SLC44A5: variants seen among roughly 807,000 people sequenced by gnomAD.
SLC44A5 encodes the protein solute carrier family 44 member 5.
SLC44A5 carries 57 observed loss-of-function variants against 101.8 expected under a neutral mutation model. The observed-to-expected ratio is 0.56, with a 90% confidence interval of 0.45 to 0.70. The LOEUF is 0.70. Among genes scored for constraint, SLC44A5 ranks in the 30% least tolerant of loss-of-function variants. The probability of loss-of-function intolerance (pLI) is 0.00; values close to 1 mark genes in which losing one functional copy is unlikely to be tolerated. For missense variants in SLC44A5, 737 were observed against 853.1 expected, an observed-to-expected ratio of 0.86 and a Z score of 1.70; for synonymous variants, 281 against 290.9, an observed-to-expected ratio of 0.97 and a Z score of 0.35.
chr1:75,353,686 T>C (rs2101081846), intron 3 of SLC44A5, among the ~76,000 whole-genome samples: 1 of 152,362 alleles, frequency 6.6e-6, no homozygotes, highest in East Asian at 1.9e-4. Context: ...ATCATAAAAC[T>C]GACTTAAGAA....
chr1:75,475,846 TC>T (rs1667359943), intron 2 of SLC44A5, among the ~76,000 whole-genome samples: 1 of 152,194 alleles, frequency 6.6e-6, no homozygotes, highest in African/African-American at 2.4e-5. Context: ...TTATTTAACC[TC>T]CCTGGGCCAA....
intron 6 of SLC44A5, 85 bp from the exon 7 acceptor site, chr1:75,251,379 C>T: frequency 8.8e-7 from 1 of 1,132,918 alleles, no homozygotes; most frequent in Non-Finnish European, 1.3e-6. Context: ...TTATAAATAA[C>T]CTTTAAAAAT....
intron 5 of SLC44A5, among the ~76,000 whole-genome samples, chr1:75,287,119 G>A (rs772692571): frequency 6.6e-6 from 1 of 151,836 alleles, no homozygotes; most frequent in Non-Finnish European, 1.5e-5. Flanking sequence ...CAAACTTTTT[G>A]GAGGCTTTGT....
the SLC44A5 span, among the ~76,000 whole-genome samples, chr1:75,679,021 G>C: frequency 6.6e-6 from 1 of 152,162 alleles, no homozygotes; most frequent in Non-Finnish European, 1.5e-5. Context: ...AGCGATGGAA[G>C]ATGAAATGAA....
intron 3 of SLC44A5, among the ~76,000 whole-genome samples, chr1:75,373,837 A>C (rs577112514): frequency 3.4e-4 from 52 of 152,214 alleles, no homozygotes; most frequent in African/African-American, 1.2e-3. Flanking sequence ...TTCAGAGGAC[A>C]AAACTACTGG....
intron 5 of SLC44A5, among the ~76,000 whole-genome samples, chr1:75,295,287 C>A (rs1204644282): frequency 6.6e-6 from 1 of 152,160 alleles, no homozygotes; most frequent in African/African-American, 2.4e-5. Context: ...AAAAAGTCAT[C>A]TTGGAATTAT....
At chr1:75,232,342 A>G (rs1404127280) in intron 12 of SLC44A5, among the ~76,000 whole-genome samples, 2 of 152,144 alleles carry the variant, frequency 1.3e-5, no homozygotes, top group Non-Finnish European at 2.9e-5. Flanking sequence ...CTTCCTGATG[A>G]CAATGCAAGA....
chr1:75,499,508 G>A (rs1207448755), intron 2 of SLC44A5, among the ~76,000 whole-genome samples: 8 of 152,186 alleles, frequency 5.3e-5, no homozygotes, highest in Non-Finnish European at 1.5e-5. Context: ...TTCGGGGGTT[G>A]GGGAACCCTG....
the SLC44A5 span, among the ~76,000 whole-genome samples, chr1:75,646,593 T>C: frequency 6.6e-6 from 1 of 152,096 alleles, no homozygotes; most frequent in African/African-American, 2.4e-5. Context: ...AGGGACATCA[T>C]GGGAGGTAAT....
In SLC44A5 at chr1:75,326,983, A is replaced by T. The variant is rs1290018672; in HGVS notation, c.101+12599T>A. On this transcript the variant is annotated intron_variant, in intron 4 of 23. Coordinates refer to ENST00000370859, the MANE Select transcript of SLC44A5 (RefSeq NM_001130058.2). ...GAGCATTTTCAGGAAGAAAACATTA[A>T]GAAATAAGGTACATGTAAATCAACT... Among the ~76,000 whole-genome samples, 4 of 152,164 alleles carry T rather than the reference A, an allele frequency of 2.6e-5. No homozygotes were observed. In the East Asian group the frequency reaches 7.7e-4, roughly 29 times the overall value.
intron 3 of SLC44A5, among the ~76,000 whole-genome samples, chr1:75,376,427 A>G (rs1337982013): frequency 6.6e-6 from 1 of 152,164 alleles, no homozygotes; most frequent in South Asian, 2.1e-4. Flanking sequence ...CTGCAGACTT[A>G]AATGTCCCTG....
At chr1:75,492,686 G>A (rs989551623) in intron 2 of SLC44A5, among the ~76,000 whole-genome samples, 1 of 152,142 alleles carries the variant, frequency 6.6e-6, no homozygotes, top group Non-Finnish European at 1.5e-5. Flanking sequence ...AAGATATATT[G>A]CTAGAACAAG....
chr1:75,421,751 G>A (rs1664021489), intron 2 of SLC44A5, among the ~76,000 whole-genome samples: 1 of 151,844 alleles, frequency 6.6e-6, no homozygotes, highest in South Asian at 2.1e-4. Flanking sequence ...AGAGGAAGGA[G>A]AAACATGTAG....
chr1:75,385,825 A>C (rs11485278), intron 3 of SLC44A5, among the ~76,000 whole-genome samples: 37,526 of 151,108 alleles, frequency 0.25, 4,908 homozygotes, highest in African/African-American at 0.33. Context: ...TACTGGCAAA[A>C]CGAATCCAGC....
At position 75,527,050 on chromosome 1, in the gene SLC44A5, G is replaced by A. The variant is rs543546908; in HGVS notation, c.13+14385C>T. The stretch of plus-strand genomic sequence containing the variant: ...CTCAGGAAGCTGAGGCAGGAGAATC[G>A]CTTGAAGCTGGGAGGCAGAGGCTGC... On this transcript the variant is annotated intron_variant, in intron 2 of 23. Transcript: ENST00000370859. Among the ~76,000 whole-genome samples the A allele has an allele frequency of 4.2e-4, 64 of 151,416 alleles. 1 individual carries two copies. The highest frequency in any genetic ancestry group is 1.5e-3 in the African/African-American group (63 of 41,236).
chr1:75,424,462 C>T (rs1028030149), intron 2 of SLC44A5, among the ~76,000 whole-genome samples: 3 of 152,144 alleles, frequency 2.0e-5, no homozygotes, highest in Admixed American at 6.5e-5. Flanking sequence ...CGTGCCACTG[C>T]GCCTGGCTAA....
chr1:75,333,750 A>C (rs1042198898), intron 4 of SLC44A5, among the ~76,000 whole-genome samples: 1 of 152,138 alleles, frequency 6.6e-6, no homozygotes, highest in Non-Finnish European at 1.5e-5. Flanking sequence ...GAAAAAGGAG[A>C]GTGTGTCTAG....
intron 2 of SLC44A5, among the ~76,000 whole-genome samples, chr1:75,467,926 A>C (rs1334657683): frequency 1.3e-5 from 2 of 151,808 alleles, no homozygotes; most frequent in Non-Finnish European, 2.9e-5. Context: ...TTTGCAAACA[A>C]CCATACGACA....
At chr1:75,703,865 A>G in the SLC44A5 span, among the ~76,000 whole-genome samples, 1 of 151,886 alleles carries the variant, frequency 6.6e-6, no homozygotes. Context: ...TGAATCAACA[A>G]ATTAGCAAAA....
Sources: allele counts gnomAD v4.1 joint callset (sites outside exome capture counted in the v4.1 genomes callset), GRCh38; gene constraint gnomAD v4.1.1; transcripts MANE v1.5; gene names NCBI Gene and HGNC (gene_info 2026-07-23, HGNC 2026-07-21).